DAB1: variants seen among roughly 807,000 people sequenced by gnomAD.
DAB1 encodes the protein DAB adaptor protein 1, also known as disabled homolog 1.
DAB1 carries 15 observed loss-of-function variants against 64.6 expected under a neutral mutation model. The ratio of observed to expected loss-of-function variants is 0.23; its 90% CI spans 0.16 to 0.36. The LOEUF is 0.36. Among genes scored for constraint, DAB1 ranks in the 10% least tolerant of loss-of-function variants. The pLI is 1.00. For missense variants in DAB1, 596 were observed against 706.7 expected (o/e 0.84, Z 1.78); for synonymous variants, 235 against 251.9 (o/e 0.93, Z 0.64).
intron 5 of DAB1, among the ~76,000 whole-genome samples, chr1:57,978,723 A>G (rs890185436): frequency 6.6e-6 from 1 of 152,228 alleles, no homozygotes; most frequent in African/African-American, 2.4e-5. Context: ...TTTACAAGAA[A>G]AAAACAAACA....
chr1:57,544,896 CTG>C (rs1190818820), intron 7 of DAB1, among the ~76,000 whole-genome samples: 1 of 152,240 alleles, frequency 6.6e-6, no homozygotes, highest in Non-Finnish European at 1.5e-5. Context: ...CCATGCGGAA[CTG>C]TGAGTCAATT....
intron 5 of DAB1, among the ~76,000 whole-genome samples, chr1:58,144,251 C>T (rs917061656): frequency 1.3e-5 from 2 of 152,096 alleles, no homozygotes; most frequent in Non-Finnish European, 2.9e-5. Context: ...AGGAGGAGTT[C>T]ATATAATATT....
chr1:57,813,408 C>A (rs1430131991), intron 6 of DAB1, among the ~76,000 whole-genome samples: 2 of 152,168 alleles, frequency 1.3e-5, no homozygotes, highest in Admixed American at 6.5e-5. Context: ...CATCGAGATC[C>A]TTTTGTGTGG....
intron 6 of DAB1, among the ~76,000 whole-genome samples, chr1:57,810,427 T>C (rs1651565236): frequency 6.6e-6 from 1 of 152,118 alleles, no homozygotes; most frequent in South Asian, 2.1e-4. Context: ...AGTGTGCATA[T>C]GTGAAATAAC....
chr1:57,240,621 C>T (rs1329568449), intron 2 of DAB1, among the ~76,000 whole-genome samples: 2 of 152,002 alleles, frequency 1.3e-5, no homozygotes, highest in East Asian at 3.9e-4. Flanking sequence ...GATTGTATGC[C>T]CAATATTGCT....
intron 1 of DAB1, among the ~76,000 whole-genome samples, chr1:57,856,704 C>T (rs1653772300): frequency 6.6e-6 from 1 of 151,980 alleles, no homozygotes; most frequent in African/African-American, 2.4e-5. Context: ...GTAGAGGCTG[C>T]CATGAGCCGA....
chr1:57,823,996 G>A (rs1458342036), downstream of DAB1, among the ~76,000 whole-genome samples: 1 of 152,198 alleles, frequency 6.6e-6, no homozygotes, highest in Non-Finnish European at 1.5e-5. Flanking sequence ...GAGAAGGATA[G>A]TAAGTGTAAT....
At chr1:57,419,435 T>C (rs1022401378) in intron 1 of DAB1, among the ~76,000 whole-genome samples, 1 of 151,654 alleles carries the variant, frequency 6.6e-6, no homozygotes, top group African/African-American at 2.4e-5. Context: ...TAACATGATG[T>C]GTACTTCCAC....
intron 3 of DAB1, among the ~76,000 whole-genome samples, chr1:57,141,346 G>T (rs1658572865): frequency 6.6e-6 from 1 of 152,136 alleles, no homozygotes; most frequent in Admixed American, 6.5e-5. Context: ...GAGATCAGTG[G>T]GTAGGAGAGA....
chr1:58,498,455 CTT>C (rs1221072394), intron 3 of DAB1, among the ~76,000 whole-genome samples: 1 of 152,088 alleles, frequency 6.6e-6, no homozygotes, highest in Non-Finnish European at 1.5e-5. Context: ...CAAGCATATA[CTT>C]TTAAGAAGGC....
intron 1 of DAB1, among the ~76,000 whole-genome samples, chr1:57,399,629 A>G (rs1331733349): frequency 6.6e-6 from 1 of 152,176 alleles, no homozygotes; most frequent in Non-Finnish European, 1.5e-5. Flanking sequence ...AATCTTATCT[A>G]TATATCTTAG....
At chr1:57,667,314 G>T (rs1373769354) in intron 6 of DAB1, among the ~76,000 whole-genome samples, 2 of 152,144 alleles carry the variant, frequency 1.3e-5, no homozygotes, top group African/African-American at 2.4e-5. Context: ...AATGTCAATT[G>T]TGTCCACTGG....
chr1:58,534,728 A>G (rs1339142823), intron 1 of DAB1, among the ~76,000 whole-genome samples: 1 of 152,240 alleles, frequency 6.6e-6, no homozygotes, highest in African/African-American at 2.4e-5. Context: ...TCAGCTCAGA[A>G]GTTCAAGACC....
At chr1:57,791,759 C>T (rs1650610005) in intron 6 of DAB1, among the ~76,000 whole-genome samples, 2 of 152,148 alleles carry the variant, frequency 1.3e-5, no homozygotes, top group South Asian at 4.1e-4. Flanking sequence ...CTCACCTTGT[C>T]CTCCCCACTG....
chr1:57,367,885 G>A (rs1201520399), intron 1 of DAB1, among the ~76,000 whole-genome samples: 1 of 152,176 alleles, frequency 6.6e-6, no homozygotes. Flanking sequence ...GCAGACCTGG[G>A]CCTCCCACTC....
chr1:58,132,894 CT>C (rs1386580814), intron 5 of DAB1, among the ~76,000 whole-genome samples: 2 of 152,170 alleles, frequency 1.3e-5, no homozygotes, highest in African/African-American at 4.8e-5. Context: ...GTTCTGATAT[CT>C]GTGTTAGTGT....
intron 5 of DAB1, among the ~76,000 whole-genome samples, chr1:57,948,668 G>C (rs1645219891): frequency 6.6e-6 from 1 of 152,324 alleles, no homozygotes; most frequent in East Asian, 1.9e-4. Flanking sequence ...AGGCCAATCA[G>C]GGCTGATGAG....
chr1:58,347,084 G>T (rs1644008789), intron 3 of DAB1, among the ~76,000 whole-genome samples: 1 of 57,232 alleles, frequency 1.7e-5, no homozygotes, highest in South Asian at 5.1e-4. Flanking sequence ...TTATGGGTTT[G>T]TTTTGTTTTG....
intron 3 of DAB1, among the ~76,000 whole-genome samples, chr1:58,396,887 C>A (rs1214024877): frequency 6.6e-6 from 1 of 151,992 alleles, no homozygotes; most frequent in Non-Finnish European, 1.5e-5. Context: ...ACGGTGAAAC[C>A]CCGTCTCCAC....
Sources: gnomAD v4.1 joint callset for allele counts (sites outside exome capture counted in the v4.1 genomes callset) on GRCh38, gnomAD v4.1.1 for gene constraint, MANE v1.5 for transcripts, NCBI Gene and HGNC (gene_info 2026-07-23, HGNC 2026-07-21) for gene names.